Variants in COX7B2 observed in about 807,000 individuals in gnomAD.
The protein encoded by COX7B2 is cytochrome c oxidase subunit 7B2, mitochondrial.
For missense variants in COX7B2, 109 were observed against 95.9 expected (o/e 1.14, Z -0.57); for synonymous variants, 37 against 32.1 (o/e 1.15, Z -0.51).
chr4:46,817,817 A>C (rs774194157), intron 2 of COX7B2, among the ~76,000 whole-genome samples: 25 of 152,182 alleles, frequency 1.6e-4, no homozygotes, highest in Non-Finnish European at 3.5e-4. Flanking sequence ...CAGTTTTGTT[A>C]CTGAGAAGAG....
chr4:46,861,143 G>A (rs1367501793), intron 1 of COX7B2, among the ~76,000 whole-genome samples: 1 of 152,090 alleles, frequency 6.6e-6, no homozygotes, highest in Admixed American at 6.5e-5. Context: ...TCCCTCTCTA[G>A]GGGGTTCTTA....
chr4:46,868,850 G>A (rs1224027358), intron 1 of COX7B2, among the ~76,000 whole-genome samples: 2 of 152,120 alleles, frequency 1.3e-5, no homozygotes, highest in Non-Finnish European at 2.9e-5. Flanking sequence ...TATTCTGTTG[G>A]TTTTTGGTGG....
At chr4:46,832,330 G>T (rs184821608) in intron 2 of COX7B2, among the ~76,000 whole-genome samples, 1 of 152,004 alleles carries the variant, frequency 6.6e-6, no homozygotes, top group East Asian at 1.9e-4. Context: ...CTCCAGACAC[G>T]CCGCCTTTAA....
intron 2 of COX7B2, among the ~76,000 whole-genome samples, chr4:46,770,316 C>T (rs1271785154): frequency 6.6e-6 from 1 of 151,948 alleles, no homozygotes; most frequent in Non-Finnish European, 1.5e-5. Context: ...ACATTGTAAA[C>T]TATGAAATAT....
chr4:46,862,872 G>A (rs1222213558), intron 1 of COX7B2, among the ~76,000 whole-genome samples: 3 of 152,144 alleles, frequency 2.0e-5, no homozygotes, highest in Non-Finnish European at 2.9e-5. Flanking sequence ...ATGCTTGTAA[G>A]TGAACTTTTT....
At position 46,903,165 on chromosome 4, in the gene COX7B2, C is replaced by A. The variant is rs551077339; in HGVS notation, c.-105+5995G>T. On this transcript the variant is annotated intron_variant, in intron 1 of 2. Transcript: ENST00000355591. ...TCACCTTGGAAATTCAAATAAAAAA[C>A]CATTAACACTCAAAGAAATTAAAGT... is the stretch of plus-strand genomic sequence containing the variant. Among the ~76,000 whole-genome samples the A allele has an allele frequency of 2.2e-4, 33 of 152,180 alleles. No homozygotes were observed. The South Asian group carries it at 6.8e-3, about 32-fold the overall frequency.
At chr4:46,792,990 C>A (rs567857858) in intron 2 of COX7B2, among the ~76,000 whole-genome samples, 3 of 152,254 alleles carry the variant, frequency 2.0e-5, no homozygotes, top group African/African-American at 4.8e-5. Context: ...CAACCACAAG[C>A]AAGATGTAAG....
chr4:46,799,457 T>G (rs1199527516), intron 2 of COX7B2, among the ~76,000 whole-genome samples: 1 of 152,152 alleles, frequency 6.6e-6, no homozygotes, highest in Non-Finnish European at 1.5e-5. Flanking sequence ...ACAGGAATGA[T>G]TACAGCTTTT....
rs552664029 is a variant in COX7B2 at position 46,826,015 on chromosome 4, A to C, written c.-50+18945T>G. 5.8e-4 allele frequency among the ~76,000 whole-genome samples: 88 copies of C among 152,292 alleles called. 3 individuals carry two copies. The South Asian group carries it at 8.9e-3, about 15-fold the overall frequency. On this transcript the variant is annotated intron_variant, in intron 2 of 2. Transcript: ENST00000355591. ...TGCCAAAAGCTATTGCAACAAAAGCAAAAACTAACAAGTGGGATCTAATTA... is the reference window on the plus strand; with the variant it reads ...TGCCAAAAGCTATTGCAACAAAAGCCAAAACTAACAAGTGGGATCTAATTA...
intron 1 of COX7B2, among the ~76,000 whole-genome samples, chr4:46,888,736 G>T (rs548408471): frequency 6.6e-6 from 1 of 152,054 alleles, no homozygotes; most frequent in African/African-American, 2.4e-5. Context: ...ATGAGCCACC[G>T]CGCCCAGCCT....
At chr4:46,758,227 T>C (rs1715913903) in intron 2 of COX7B2, among the ~76,000 whole-genome samples, 1 of 151,702 alleles carries the variant, frequency 6.6e-6, no homozygotes, top group Non-Finnish European at 1.5e-5. Context: ...ACTTTGTGTA[T>C]AGCAATTAAT....
At chr4:46,763,836 A>G (rs1283876136) in intron 2 of COX7B2, among the ~76,000 whole-genome samples, 1 of 152,172 alleles carries the variant, frequency 6.6e-6, no homozygotes, top group Non-Finnish European at 1.5e-5. Flanking sequence ...CATACTTTGA[A>G]ACGGACAAAT....
At chr4:46,735,262 TG>T in intron 2 of COX7B2, 21 bp from the exon 3 acceptor site, 3 of 1,527,104 alleles carry the variant, frequency 2.0e-6, no homozygotes, top group Non-Finnish European at 2.7e-6. Context: ...AGAAAAGATA[TG>T]CATTGATGTC....
intron 2 of COX7B2, among the ~76,000 whole-genome samples, chr4:46,753,231 G>A (rs1276814942): frequency 6.6e-6 from 1 of 151,994 alleles, no homozygotes; most frequent in Non-Finnish European, 1.5e-5. Context: ...TTCTCTGATG[G>A]TAGTTTGTAT....
chr4:46,765,946 G>T (rs991753229), intron 2 of COX7B2, among the ~76,000 whole-genome samples: 4 of 151,936 alleles, frequency 2.6e-5, no homozygotes, highest in Non-Finnish European at 5.9e-5. Context: ...GCCTACTCCA[G>T]CACTAGGATG....
intron 2 of COX7B2, among the ~76,000 whole-genome samples, chr4:46,738,290 G>C (rs143907230): frequency 6.6e-6 from 1 of 152,142 alleles, no homozygotes; most frequent in East Asian, 1.9e-4. Context: ...TAGTGACATT[G>C]ATCACATTTC....
At chr4:46,862,453 A>G (rs2175554) in intron 1 of COX7B2, among the ~76,000 whole-genome samples, 57,939 of 152,108 alleles carry the variant, frequency 0.38, 11,170 homozygotes, top group South Asian at 0.49. Flanking sequence ...TTATGTATGT[A>G]CATGTGTTAT....
intron 2 of COX7B2, among the ~76,000 whole-genome samples, chr4:46,774,887 C>A (rs539040830): frequency 6.6e-6 from 1 of 152,150 alleles, no homozygotes; most frequent in South Asian, 2.1e-4. Flanking sequence ...TTTCACTATA[C>A]AATTTTAAAG....
At chr4:46,888,566 C>T (rs1341630915) in intron 1 of COX7B2, among the ~76,000 whole-genome samples, 1 of 151,810 alleles carries the variant, frequency 6.6e-6, no homozygotes, top group Non-Finnish European at 1.5e-5. Flanking sequence ...GCCTCAGCCT[C>T]CTGAGTAGCT....
Sources: allele counts gnomAD v4.1 joint callset (sites outside exome capture counted in the v4.1 genomes callset), GRCh38; gene constraint gnomAD v4.1.1; transcripts MANE v1.5; gene names NCBI Gene and HGNC (gene_info 2026-07-23, HGNC 2026-07-21).